Variants in MAPK10 observed in about 807,000 individuals in gnomAD.
MAPK10 encodes JNK3 alpha protein kinase.
In MAPK10, 25 loss-of-function variants were observed where a neutral mutation model predicts 59.3. The ratio of observed to expected loss-of-function variants is 0.42; its 90% CI spans 0.31 to 0.59. The LOEUF is 0.59. Among genes scored for constraint, MAPK10 ranks in the 20% least tolerant of loss-of-function variants. The probability of loss-of-function intolerance (pLI) is 0.15; values close to 1 mark genes in which losing one functional copy is unlikely to be tolerated. For missense variants in MAPK10, 351 were observed against 568.9 expected (o/e 0.62, Z 3.90); for synonymous variants, 190 against 200.5 (o/e 0.95, Z 0.44).
rs1012828872 is a variant in MAPK10, at chr4:86,055,832, G to T, written c.1110+8434C>A. The stretch of plus-strand genomic sequence containing the variant: ...TTATGCTTATTTAAATATTTGATAG[G>T]TATTTTCTGCCACTTGAGAGTTGCT... On this transcript the variant is annotated intron_variant, in intron 11 of 13. Coordinates refer to ENST00000641462, the MANE Select transcript of MAPK10 (RefSeq NM_138982.4). 7.4e-5 allele frequency among the ~76,000 whole-genome samples: 11 copies of T among 149,624 alleles called. 1 individual carries two copies. Among genetic ancestry groups the T allele is most frequent in the Non-Finnish European group, 1.6e-4 (11 of 67,470 alleles).
At chr4:86,262,374 A>C (rs940934462) in intron 2 of MAPK10, among the ~76,000 whole-genome samples, 1 of 152,206 alleles carries the variant, frequency 6.6e-6, no homozygotes, top group Non-Finnish European at 1.5e-5. Flanking sequence ...GCTGTTCTTT[A>C]TAAAATACCC....
At chr4:86,486,368 A>G (rs1683826471) in intron 1 of MAPK10, among the ~76,000 whole-genome samples, 1 of 152,252 alleles carries the variant, frequency 6.6e-6, no homozygotes. Flanking sequence ...ACTACCATAC[A>G]GAAGAAAAAG....
intron 2 of MAPK10, among the ~76,000 whole-genome samples, chr4:86,205,243 C>T (rs1293186483): frequency 1.3e-5 from 2 of 151,836 alleles, no homozygotes; most frequent in Non-Finnish European, 2.9e-5. Flanking sequence ...TTAAGAATTA[C>T]AATAGTCATT....
At chr4:86,354,389 C>T (rs1733330349) in intron 2 of MAPK10, 141 bp downstream of exon 2, 1 of 403,552 alleles carries the variant, frequency 2.5e-6, no homozygotes, top group Non-Finnish European at 4.3e-6. Flanking sequence ...AACTTCTGTT[C>T]TATTGATTTT....
intron 9 of MAPK10, among the ~76,000 whole-genome samples, chr4:86,090,090 C>T (rs951887319): frequency 2.6e-5 from 4 of 151,948 alleles, no homozygotes; most frequent in Non-Finnish European, 5.9e-5. Context: ...CAGGGCAGAG[C>T]GCACAGAGGG....
At chr4:86,425,019 G>A (rs765048243) in intron 1 of MAPK10, among the ~76,000 whole-genome samples, 1 of 152,080 alleles carries the variant, frequency 6.6e-6, no homozygotes. Flanking sequence ...GAATGTCAAG[G>A]ACCAAATTCC....
At chr4:86,160,871 G>C (rs1417510920) in intron 3 of MAPK10, among the ~76,000 whole-genome samples, 2 of 151,928 alleles carry the variant, frequency 1.3e-5, no homozygotes, top group African/African-American at 4.8e-5. Context: ...TATTTTTCCT[G>C]GAAAGTTTTG....
chr4:86,273,819 G>A (rs1326648044), intron 2 of MAPK10, among the ~76,000 whole-genome samples: 1 of 152,014 alleles, frequency 6.6e-6, no homozygotes, highest in Non-Finnish European at 1.5e-5. Context: ...ACATATTAAA[G>A]AGAAGAACAT....
chr4:86,227,147 G>C (rs1241131738), intron 2 of MAPK10, among the ~76,000 whole-genome samples: 1 of 152,092 alleles, frequency 6.6e-6, no homozygotes, highest in Non-Finnish European at 1.5e-5. Flanking sequence ...TTCTCCTAGA[G>C]GTTACAAAAG....
chr4:86,298,632 G>A (rs533027849), intron 2 of MAPK10, among the ~76,000 whole-genome samples: 1 of 152,326 alleles, frequency 6.6e-6, no homozygotes, highest in East Asian at 1.9e-4. Flanking sequence ...CAGGCATATA[G>A]TAGACACTTA....
chr4:86,293,295 G>A (rs1292368719), intron 2 of MAPK10, among the ~76,000 whole-genome samples: 2 of 152,174 alleles, frequency 1.3e-5, no homozygotes, highest in Non-Finnish European at 2.9e-5. Context: ...GTACTTTGAA[G>A]AAATAATTTA....
At chr4:86,508,009 A>G (rs1394338764) in intron 1 of MAPK10, among the ~76,000 whole-genome samples, 1 of 152,020 alleles carries the variant, frequency 6.6e-6, no homozygotes, top group African/African-American at 2.4e-5. Flanking sequence ...TGATCTCTGT[A>G]ACCAAAAATA....
chr4:86,322,474 C>G (rs1578230838), intron 2 of MAPK10, among the ~76,000 whole-genome samples: 2 of 152,148 alleles, frequency 1.3e-5, no homozygotes, highest in African/African-American at 4.8e-5. Flanking sequence ...CCAACCTGAA[C>G]GATGCCTATA....
chr4:86,060,118 TC>T (rs1296729482), intron 11 of MAPK10, among the ~76,000 whole-genome samples: 1 of 152,226 alleles, frequency 6.6e-6, no homozygotes, highest in Non-Finnish European at 1.5e-5. Flanking sequence ...TCAACGCCTG[TC>T]CCATCTTAGG....
chr4:86,039,866 T>C (rs1358184107), intron 11 of MAPK10, among the ~76,000 whole-genome samples: 1 of 152,148 alleles, frequency 6.6e-6, no homozygotes. Flanking sequence ...GGATCTAGAC[T>C]TAGGCCCAAC....
intron 2 of MAPK10, among the ~76,000 whole-genome samples, chr4:86,211,762 A>G (rs2085875979): frequency 6.6e-6 from 1 of 152,144 alleles, no homozygotes; most frequent in African/African-American, 2.4e-5. Flanking sequence ...TTGTTTTTGG[A>G]CACACACAAT....
chr4:86,325,531 A>G (rs1266303061), intron 2 of MAPK10, among the ~76,000 whole-genome samples: 4 of 152,250 alleles, frequency 2.6e-5, no homozygotes, highest in Non-Finnish European at 4.4e-5. Context: ...GTTACTAAAT[A>G]CAGCCCTATT....
intron 1 of MAPK10, among the ~76,000 whole-genome samples, chr4:86,398,233 AAAAAG>A (rs1032587178): frequency 1.8e-4 from 28 of 151,996 alleles, no homozygotes; most frequent in African/African-American, 5.8e-4. Flanking sequence ...AAACAAAAAA[AAAAAG>A]AAAAGAAAAG....
intron 1 of MAPK10, among the ~76,000 whole-genome samples, chr4:86,544,796 A>C (rs1487991802): frequency 6.6e-6 from 1 of 152,228 alleles, no homozygotes; most frequent in African/African-American, 2.4e-5. Flanking sequence ...CCTGTGGTGA[A>C]CAAAAGGCTT....
Sources: allele counts gnomAD v4.1 joint callset (sites outside exome capture counted in the v4.1 genomes callset), GRCh38; gene constraint gnomAD v4.1.1; transcripts MANE v1.5; gene names NCBI Gene and HGNC (gene_info 2026-07-23, HGNC 2026-07-21).